The following TRIM54 variants were observed in gnomAD, a reference collection of about 807,000 sequenced individuals.
TRIM54 encodes tripartite motif-containing protein 54.
A neutral mutation model predicts 42.0 loss-of-function variants in TRIM54; 40 were observed. That is an observed-to-expected ratio of 0.95 (90% confidence interval 0.74 to 1.24). The LOEUF is 1.24. TRIM54 is among the 50% of genes most tolerant of loss of function. The pLI is 0.00. For synonymous variants in TRIM54, 199 were observed against 194.9 expected (o/e 1.02, Z -0.17); for missense variants, 485 against 480.3 (o/e 1.01, Z -0.09).
chr2:27,295,105 G>A (rs1678828325), intron 1 of TRIM54, among the ~76,000 whole-genome samples: 1 of 151,114 alleles, frequency 6.6e-6, no homozygotes, highest in African/African-American at 2.4e-5. Flanking sequence ...CTGCTCTGTC[G>A]CCCAGGTTGG....
intron 1 of TRIM54, among the ~76,000 whole-genome samples, chr2:27,283,778 A>AGG: frequency 9.8e-6 from 1 of 102,324 alleles, no homozygotes; most frequent in South Asian, 3.3e-4. Flanking sequence ...ACACACACAC[A>AGG]CGCGCGCACA....
In TRIM54 at chr2:27,306,391, G is replaced by A; in HGVS notation, c.991+54G>A. The stretch of plus-strand genomic sequence containing the variant: ...ACGGGTTCGGACCCTCTGTGTGGGG[G>A]GTGCGGCGGGCACGATGGCCGTAAA... On this transcript the variant is annotated intron_variant, in intron 7 of 8. Coordinates refer to ENST00000380075, the MANE Select transcript of TRIM54 (RefSeq NM_187841.3). This position sits in a 1 kb window ranked among gnomAD's most constrained non-coding sequence, Gnocchi z 6.1. 1 of 1,613,420 alleles carries A rather than the reference G, an allele frequency of 6.2e-7. No homozygotes were observed. The highest frequency in any genetic ancestry group is 2.2e-5 in the East Asian group (1 of 44,866).
Position 27,307,049 on chromosome 2 carries a change from C to T in TRIM54, c.*164C>T, listed in dbSNP as rs920768347. The T allele has an allele frequency of 8.7e-6, 2 of 230,228 alleles. No homozygotes were observed. Among genetic ancestry groups the T allele is most frequent in the Non-Finnish European group, 1.7e-5 (2 of 117,054 alleles). 14.3% of individuals were successfully genotyped at this position (230,228 alleles called of 1,614,324 possible). ...TCCTTTCGCTGCCCAACCCCGCAGC[C>T]TGGGCTTCGAAGGCGACCCGCCCAC... On this transcript the variant is annotated 3_prime_UTR_variant, in exon 9 of 9. Transcript: ENST00000380075. This position sits in a 1 kb window ranked among gnomAD's most constrained non-coding sequence, Gnocchi z 6.9.
At chr2:27,283,764 G>GCACACACGCACGCGCGCGCA (rs1558580798) in intron 1 of TRIM54, among the ~76,000 whole-genome samples, 6 of 117,866 alleles carry the variant, frequency 5.1e-5, no homozygotes, top group African/African-American at 6.7e-5. Context: ...AGGGGCAAAG[G>GCACACACGCACGCGCGCGCA]CACACACACA....
In TRIM54 at chr2:27,307,325, G is replaced by T. The variant is rs1679255100; in HGVS notation, c.*440G>T. ...CCCCACAGCATTTTGTTCCCCTCCC[G>T]CTGGCCCGGGGGCCCCACCTTCCCA... On this transcript the variant is annotated 3_prime_UTR_variant, in exon 9 of 9. Transcript: ENST00000380075. The surrounding 1 kb of genome is among the most constrained non-coding windows in gnomAD (Gnocchi z 6.9). The T allele has an allele frequency of 3.3e-6, 3 of 909,188 alleles. No individual in the cohort carries two copies. The highest frequency in any genetic ancestry group is 4.8e-6 in the Non-Finnish European group (3 of 625,134). The allele number at this position is 909,188 out of a possible 1,614,324, so 56.3% of individuals were successfully genotyped here.
Position 27,305,796 on chromosome 2 carries a change from A to G in TRIM54, c.822A>G (p.Pro274=). The change falls in exon 5 of 9, where the codon CCA becomes CCG. Residue 274 remains proline (P), a synonymous_variant. Coordinates refer to ENST00000380075, the MANE Select transcript of TRIM54 (RefSeq NM_187841.3). ...CTGCCATCCAGTCCATGGAAGAGCC[A>G]CAAATGGCGCTGTATCTCCAGGTGG... ...VESAIQSMEE[P]QMALYLQQAK... is the part of the protein sequence containing the mutation. 6.2e-7 allele frequency: 1 copy of G among 1,605,892 alleles called. No individual in the cohort carries two copies. The highest frequency in any genetic ancestry group is 8.5e-7 in the Non-Finnish European group (1 of 1,176,174).
In TRIM54 at chr2:27,298,646, A is replaced by G. The variant is rs1678936994; in HGVS notation, c.248A>G (p.His83Arg). The part of the protein sequence containing the change: ...GGRFRCPSCR[H>R]EVVLDRHGVY... ...CGTTTCCGCTGCCCATCGTGCAGGC[A>G]TGAGGTTGTCCTGGACAGACACGGT... Residue 83 changes from histidine to arginine, a missense_variant, in exon 2 of 9, where the codon CAT becomes CGT. Coordinates refer to ENST00000380075, the MANE Select transcript of TRIM54 (RefSeq NM_187841.3). 1 of 1,614,180 alleles carries G rather than the reference A, an allele frequency of 6.2e-7. No individual in the cohort carries two copies. The highest frequency in any genetic ancestry group is 8.5e-7 in the Non-Finnish European group (1 of 1,180,028).
intron 1 of TRIM54, among the ~76,000 whole-genome samples, chr2:27,284,903 C>G (rs1211373571): frequency 6.6e-6 from 1 of 152,142 alleles, no homozygotes; most frequent in African/African-American, 2.4e-5. Context: ...GTTTAAGTGA[C>G]CTGCTTATTT....
chr2:27,299,787 C>T lies in TRIM54; in HGVS notation c.513+371C>T, dbSNP rs945265957. ...GTGGTGCAGTCTTGGCTCACAGCAA[C>T]CTCAGCCTCCCGGGTTCAAGCTGTT... On this transcript the variant is annotated intron_variant, in intron 3 of 8. Coordinates refer to ENST00000380075, the MANE Select transcript of TRIM54 (RefSeq NM_187841.3). 7.1e-6 allele frequency: 4 copies of T among 561,996 alleles called. No individual in the cohort carries two copies. The Admixed American group carries it at 9.9e-5, about 14-fold the overall frequency. 34.8% of individuals were successfully genotyped at this position (561,996 alleles called of 1,614,324 possible). A position where few individuals can be genotyped will look rare whatever the true frequency, so the allele number is the denominator to read the frequency against.
intron 1 of TRIM54, among the ~76,000 whole-genome samples, 190 bp downstream of exon 1, chr2:27,283,089 C>T (rs1410632284): frequency 1.3e-5 from 2 of 152,084 alleles, no homozygotes; most frequent in Non-Finnish European, 1.5e-5. Flanking sequence ...CAGCAGCTGC[C>T]CTGCAGGCTG....
chr2:27,283,766 A>ACGCACGCGCGCGCGCG (rs1678458066), intron 1 of TRIM54, among the ~76,000 whole-genome samples: 1 of 88,704 alleles, frequency 1.1e-5, no homozygotes, highest in Non-Finnish European at 2.1e-5. Context: ...GGGCAAAGGC[A>ACGCACGCGCGCGCGCG]CACACACACA....
intron 1 of TRIM54, 47 bp downstream of exon 1, chr2:27,282,946 G>T: frequency 6.4e-7 from 1 of 1,571,440 alleles, no homozygotes; most frequent in Non-Finnish European, 8.6e-7. Context: ...ATGCAGACCT[G>T]TGGGGGACTG....
Position 27,298,703 on chromosome 2 carries a change from A to C in TRIM54, c.305A>C (p.Glu102Ala). 1 of 1,614,124 alleles carries C rather than the reference A, an allele frequency of 6.2e-7. No homozygotes were observed. Among genetic ancestry groups the C allele is most frequent in the Non-Finnish European group, 8.5e-7 (1 of 1,179,988 alleles). Residue 102 changes from glutamate (E) to alanine (A), a missense_variant, in exon 2 of 9, where the codon GAG becomes GCG. Coordinates refer to ENST00000380075, the MANE Select transcript of TRIM54 (RefSeq NM_187841.3). Reference protein sequence around the residue: ...VYGLQRNLLVENIIDIYKQES... With the variant: ...VYGLQRNLLVANIIDIYKQES... ...GGCCTGCAGCGAAACCTGCTAGTGG[A>C]GAACATTATCGACATTTACAAGCAG...
chr2:27,283,903 G>A (rs545413826), intron 1 of TRIM54, among the ~76,000 whole-genome samples: 4 of 152,222 alleles, frequency 2.6e-5, no homozygotes, highest in East Asian at 1.9e-4. Context: ...GGGAAGCTGA[G>A]GCCAGCAGAT....
At chr2:27,289,390 C>T (rs1479803415) in intron 1 of TRIM54, among the ~76,000 whole-genome samples, 1 of 152,128 alleles carries the variant, frequency 6.6e-6, no homozygotes, top group Non-Finnish European at 1.5e-5. Context: ...GATCTCAGCT[C>T]ACCACAACCT....
chr2:27,296,388 G>A (rs972286777), intron 1 of TRIM54, among the ~76,000 whole-genome samples: 1 of 152,190 alleles, frequency 6.6e-6, no homozygotes, highest in Non-Finnish European at 1.5e-5. Context: ...AGCCAGTTGG[G>A]ATTAGGTTCT....
chr2:27,299,669 C>G (rs1260553638), intron 3 of TRIM54: 1 of 632,676 alleles, frequency 1.6e-6, no homozygotes, highest in South Asian at 1.9e-5. Flanking sequence ...AGCCACCGCA[C>G]TCAGCCCTAT....
At chr2:27,289,529 T>C (rs1310556526) in intron 1 of TRIM54, among the ~76,000 whole-genome samples, 1 of 152,176 alleles carries the variant, frequency 6.6e-6, no homozygotes, top group Admixed American at 6.6e-5. Context: ...TTGGTCAGGC[T>C]GGTCTCAAAA....
intron 1 of TRIM54, among the ~76,000 whole-genome samples, chr2:27,288,576 G>T (rs560082460): frequency 3.9e-5 from 6 of 152,068 alleles, no homozygotes; most frequent in African/African-American, 1.2e-4. Flanking sequence ...CAGTCATTTC[G>T]TACCCTGTGG....
Sources: gnomAD v4.1 joint callset for allele counts (sites outside exome capture counted in the v4.1 genomes callset) on GRCh38, gnomAD v4.1.1 for gene constraint, Gnocchi (gnomAD v3.1) non-coding constraint, MANE v1.5 for transcripts, NCBI Gene and HGNC (gene_info 2026-07-23, HGNC 2026-07-21) for gene names.